The following SLC16A12 variants were observed in gnomAD, a reference collection of about 807,000 sequenced individuals.
The protein encoded by SLC16A12 is monocarboxylate transporter 12.
SLC16A12 carries 17 observed loss-of-function variants against 42.4 expected under a neutral mutation model. The ratio of observed to expected loss-of-function variants is 0.40; its 90% CI spans 0.27 to 0.60. The LOEUF (loss-of-function observed/expected upper bound fraction) is 0.60, where lower values mean the gene tolerates loss of function less well. Among genes scored for constraint, SLC16A12 ranks in the 20% least tolerant of loss-of-function variants. SLC16A12 has a pLI of 0.42. For missense variants in SLC16A12, 544 were observed against 623.0 expected, an observed-to-expected ratio of 0.87 and a Z score of 1.35; for synonymous variants, 224 against 229.4, an observed-to-expected ratio of 0.98 and a Z score of 0.21.
At chr10:89,509,195 A>T (rs1843122422) in intron 2 of SLC16A12, among the ~76,000 whole-genome samples, 1 of 152,240 alleles carries the variant, frequency 6.6e-6, no homozygotes, top group Admixed American at 6.5e-5. Context: ...ATTCCTTCTG[A>T]AACTATTCCA....
intron 2 of SLC16A12, among the ~76,000 whole-genome samples, chr10:89,474,624 C>T (rs1842548635): frequency 6.6e-6 from 1 of 152,086 alleles, no homozygotes; most frequent in South Asian, 2.1e-4. Context: ...CTCTAAACAG[C>T]GCACACCAGA....
intron 3 of SLC16A12, among the ~76,000 whole-genome samples, chr10:89,447,419 A>G (rs1359511460): frequency 6.6e-6 from 1 of 152,248 alleles, no homozygotes; most frequent in Non-Finnish European, 1.5e-5. Flanking sequence ...CTCAGACTAC[A>G]GTGCAATCAA....
chr10:89,475,662 T>A (rs1842566707), intron 2 of SLC16A12, among the ~76,000 whole-genome samples: 1 of 152,140 alleles, frequency 6.6e-6, no homozygotes, highest in Non-Finnish European at 1.5e-5. Context: ...CAACCAGAAA[T>A]TTTTGGATGT....
intron 3 of SLC16A12, among the ~76,000 whole-genome samples, chr10:89,454,779 A>C (rs1332543582): frequency 1.3e-5 from 2 of 151,978 alleles, no homozygotes; most frequent in Non-Finnish European, 2.9e-5. Flanking sequence ...TTTCAACTAC[A>C]TGCTGGACAT....
At chr10:89,504,747 G>C (rs1490442812) in intron 2 of SLC16A12, among the ~76,000 whole-genome samples, 1 of 152,176 alleles carries the variant, frequency 6.6e-6, no homozygotes, top group Non-Finnish European at 1.5e-5. Flanking sequence ...TAAAAACCAA[G>C]ATGGGGGAGG....
At chr10:89,473,862 T>A (rs888440303) in intron 2 of SLC16A12, among the ~76,000 whole-genome samples, 1 of 152,176 alleles carries the variant, frequency 6.6e-6, no homozygotes, top group Non-Finnish European at 1.5e-5. Context: ...TCCTCAGCCA[T>A]AATCTGTTTG....
rs150992844 is a variant in SLC16A12 at position 89,543,819 on chromosome 10, A to G, written c.-47+12063T>C. Among the ~76,000 whole-genome samples, 166 of 152,318 alleles carry G rather than the reference A, an allele frequency of 1.1e-3. 1 individual carries two copies. Among genetic ancestry groups the G allele is most frequent in the African/African-American group, 3.8e-3 (157 of 41,580 alleles). On this transcript the variant is annotated intron_variant, in intron 2 of 2. Coordinates refer to the SLC16A12 transcript ENST00000475682. ...CACTGCACTCCAGCCTGGGCAACAC[A>G]GCAAGACCTTGTCAAAAAAAAAATG...
intron 4 of SLC16A12, among the ~76,000 whole-genome samples, chr10:89,441,594 G>T (rs1006091155): frequency 6.6e-6 from 1 of 152,142 alleles, no homozygotes; most frequent in African/African-American, 2.4e-5. Context: ...GCTTACTATA[G>T]TGTTGATCAT....
At chr10:89,486,659 GAAAGAAAA>G (rs1564585973) in intron 2 of SLC16A12, among the ~76,000 whole-genome samples, 7 of 46,600 alleles carry the variant, frequency 1.5e-4, no homozygotes, top group African/African-American at 2.0e-4. Flanking sequence ...AAGAAAGAAA[GAAAGAAAA>G]GAAAGAAAGA....
In SLC16A12 at chr10:89,436,041, T is replaced by C. The variant is rs376962252; in HGVS notation, c.1288+19A>G. 5.5e-5 allele frequency: 89 copies of C among 1,613,098 alleles called. No homozygotes were observed. Among genetic ancestry groups the C allele is most frequent in the Non-Finnish European group, 7.3e-5 (86 of 1,179,724 alleles). On this transcript the variant is annotated intron_variant, in intron 7 of 7. Coordinates refer to ENST00000371790, the MANE Select transcript of SLC16A12 (RefSeq NM_213606.4). ...TGCCAAAGAGAAAAGGTGGTTGGGG[T>C]TTCTCTCTGGAAACTTACCTGCGAT...
intron 2 of SLC16A12, among the ~76,000 whole-genome samples, chr10:89,517,239 T>C (rs2133848423): frequency 6.6e-6 from 1 of 151,906 alleles, no homozygotes; most frequent in Non-Finnish European, 1.5e-5. Flanking sequence ...GAATAAAAAA[T>C]AAAAACAAAA....
At chr10:89,501,305 C>A (rs1466810943) in intron 2 of SLC16A12, among the ~76,000 whole-genome samples, 2 of 152,124 alleles carry the variant, frequency 1.3e-5, no homozygotes, top group African/African-American at 4.8e-5. Context: ...AAAAATAATT[C>A]TAAGCTTCAT....
intron 2 of SLC16A12, among the ~76,000 whole-genome samples, chr10:89,474,213 A>G (rs1187158805): frequency 1.3e-5 from 2 of 151,936 alleles, no homozygotes; most frequent in Admixed American, 6.6e-5. Context: ...TATCAAATAC[A>G]TTCTTGTTAT....
upstream of SLC16A12, among the ~76,000 whole-genome samples, chr10:89,539,468 GT>G (rs1440612058): frequency 6.6e-6 from 1 of 152,150 alleles, no homozygotes; most frequent in Non-Finnish European, 1.5e-5. Flanking sequence ...CCATGGTTCA[GT>G]GGAATTAATT....
intron 2 of SLC16A12, among the ~76,000 whole-genome samples, chr10:89,478,269 G>A (rs1368161810): frequency 6.6e-6 from 1 of 152,138 alleles, no homozygotes. Flanking sequence ...AACCAAGGAG[G>A]TAAACACATC....
intron 2 of SLC16A12, among the ~76,000 whole-genome samples, chr10:89,541,078 C>T (rs1240583383): frequency 3.3e-5 from 5 of 151,440 alleles, no homozygotes; most frequent in East Asian, 1.9e-4. Flanking sequence ...CCCACCACCA[C>T]GCCAGGCTAA....
intron 2 of SLC16A12, among the ~76,000 whole-genome samples, chr10:89,512,090 C>T (rs141634360): frequency 6.6e-6 from 1 of 152,150 alleles, no homozygotes; most frequent in East Asian, 1.9e-4. Context: ...TACGTGAGGT[C>T]CTTAGGGTAG....
At chr10:89,435,539 G>T (rs1294097634) in intron 7 of SLC16A12, among the ~76,000 whole-genome samples, 1 of 152,122 alleles carries the variant, frequency 6.6e-6, no homozygotes, top group Admixed American at 6.6e-5. Context: ...TCAATTGCTA[G>T]ATCACATTTT....
At chr10:89,515,324 C>T (rs892077971) in intron 2 of SLC16A12, among the ~76,000 whole-genome samples, 5 of 152,186 alleles carry the variant, frequency 3.3e-5, no homozygotes, top group African/African-American at 1.2e-4. Context: ...AATTAATGCG[C>T]TCCTAGGTTC....
Sources: gnomAD v4.1 joint callset for allele counts (sites outside exome capture counted in the v4.1 genomes callset) on GRCh38, gnomAD v4.1.1 for gene constraint, MANE v1.5 for transcripts, NCBI Gene and HGNC (gene_info 2026-07-23, HGNC 2026-07-21) for gene names.